Variants in TSPAN7 observed in about 807,000 individuals in gnomAD.
TSPAN7 encodes tetraspanin-7.
In TSPAN7, 1 loss-of-function variant was observed where a neutral mutation model predicts 17.6. The observed-to-expected ratio is 0.06, with a 90% CI of 0.02 to 0.27. The LOEUF is 0.27. Among genes scored for constraint, TSPAN7 ranks in the 10% least tolerant of loss-of-function variants. The pLI is 1.00. For synonymous variants in TSPAN7, 78 were observed against 79.0 expected (o/e 0.99, Z 0.07); for missense variants, 112 against 201.7 (o/e 0.56, Z 2.69).
intron 2 of TSPAN7, among the ~76,000 whole-genome samples, chrX:38,669,423 T>C (rs2069805765): frequency 1.8e-5 from 2 of 111,959 alleles, no homozygotes; most frequent in Non-Finnish European, 3.8e-5. Flanking sequence ...TATGGAAGGC[T>C]GGGATTTGAA....
chrX:38,579,773 A>G (rs2069218361), intron 1 of TSPAN7, among the ~76,000 whole-genome samples: 1 of 110,986 alleles, frequency 9.0e-6, no homozygotes, highest in Non-Finnish European at 1.9e-5. Context: ...TGTATCTACT[A>G]CTACACCTAC....
intron 1 of TSPAN7, among the ~76,000 whole-genome samples, chrX:38,630,648 C>T (rs1422435989): frequency 1.8e-5 from 2 of 112,145 alleles, no homozygotes; most frequent in Non-Finnish European, 3.8e-5. Context: ...GTCATGTTCA[C>T]GGTATACCTT....
At chrX:38,687,485 C>T (rs1024312488) in intron 6 of TSPAN7, 114 bp from the exon 7 acceptor site, 17 of 633,350 alleles carry the variant, frequency 2.7e-5, no homozygotes, top group Admixed American at 1.5e-4. Flanking sequence ...TCTAGTGATA[C>T]GCATATGTCA....
At chrX:38,593,022 T>C (rs2069300012) in intron 1 of TSPAN7, among the ~76,000 whole-genome samples, 1 of 110,907 alleles carries the variant, frequency 9.0e-6, no homozygotes, top group Non-Finnish European at 1.9e-5. Flanking sequence ...AAAGATATTT[T>C]TGCTAGTATA....
chrX:38,567,599 A>G (rs5963071), intron 1 of TSPAN7, among the ~76,000 whole-genome samples: 1,353 of 112,550 alleles, frequency 0.012, 13 homozygotes, highest in Non-Finnish European at 0.017. Flanking sequence ...GCACATCAAT[A>G]CAATTCAGTC....
chrX:38,619,589 A>AT (rs2069477893), intron 1 of TSPAN7, among the ~76,000 whole-genome samples: 1 of 111,547 alleles, frequency 9.0e-6, no homozygotes, highest in Non-Finnish European at 1.9e-5. Flanking sequence ...GGCAGGACAT[A>AT]TTGTCATTTT....
intron 3 of TSPAN7, among the ~76,000 whole-genome samples, chrX:38,672,975 G>C (rs750076251): frequency 8.9e-6 from 1 of 112,343 alleles, no homozygotes; most frequent in African/African-American, 3.2e-5. Flanking sequence ...TGCCTATTCT[G>C]TGTACAGTCC....
intron 3 of TSPAN7, among the ~76,000 whole-genome samples, chrX:38,673,218 G>A (rs1300369761): frequency 9.0e-6 from 1 of 111,574 alleles, no homozygotes; most frequent in East Asian, 2.8e-4. Context: ...CAATCTGGAG[G>A]CATTTTACCA....
chrX:38,657,329 T>C, intron 1 of TSPAN7, among the ~76,000 whole-genome samples: 1 of 112,075 alleles, frequency 8.9e-6, no homozygotes, highest in Middle Eastern at 4.6e-3. Flanking sequence ...TGATTTTCTG[T>C]GACAGGCCAA....
chrX:38,665,964 T>C (rs1361842381), intron 1 of TSPAN7, 157 bp from the exon 2 acceptor site: 13 of 494,477 alleles, frequency 2.6e-5, no homozygotes, highest in Admixed American at 1.6e-4. Flanking sequence ...ATGATGATTT[T>C]AGTTAACACT....
chrX:38,627,584 G>A (rs1003962675), intron 1 of TSPAN7, among the ~76,000 whole-genome samples: 1 of 111,897 alleles, frequency 8.9e-6, no homozygotes, highest in Non-Finnish European at 1.9e-5. Flanking sequence ...AGGCATGTGA[G>A]TAAGCCCAGT....
intron 2 of TSPAN7, among the ~76,000 whole-genome samples, chrX:38,667,484 T>C (rs2069790661): frequency 1.8e-5 from 2 of 112,278 alleles, no homozygotes; most frequent in Non-Finnish European, 3.8e-5. Context: ...TGTGTAGCCC[T>C]AGGTTGTAGT....
At chrX:38,654,861 G>T (rs1220127383) in intron 1 of TSPAN7, among the ~76,000 whole-genome samples, 1 of 112,311 alleles carries the variant, frequency 8.9e-6, no homozygotes, top group Non-Finnish European at 1.9e-5. Flanking sequence ...CCCCGTGGGG[G>T]AGTGGAATTC....
chrX:38,677,252 A>G (rs2069860287), intron 5 of TSPAN7, among the ~76,000 whole-genome samples: 1 of 112,096 alleles, frequency 8.9e-6, no homozygotes, highest in Non-Finnish European at 1.9e-5. Context: ...AATGCGGATA[A>G]TAATAGTACA....
intron 1 of TSPAN7, among the ~76,000 whole-genome samples, chrX:38,605,777 C>T (rs1216884460): frequency 9.0e-6 from 1 of 110,858 alleles, no homozygotes; most frequent in Non-Finnish European, 1.9e-5. Context: ...ACTATCTGAT[C>T]TTTGACAAAC....
intron 1 of TSPAN7, among the ~76,000 whole-genome samples, chrX:38,599,382 A>T (rs771583686): frequency 7.3e-4 from 81 of 111,671 alleles, no homozygotes; most frequent in African/African-American, 2.6e-3. Flanking sequence ...ATTTAAAAAA[A>T]AATCTTATTT....
intron 1 of TSPAN7, among the ~76,000 whole-genome samples, chrX:38,641,598 C>G (rs188387272): frequency 8.9e-6 from 1 of 111,824 alleles, no homozygotes; most frequent in African/African-American, 3.2e-5. Context: ...TCTTAATTCA[C>G]CTTCTGATCC....
At chrX:38,638,235 T>C (rs1009929318) in intron 1 of TSPAN7, among the ~76,000 whole-genome samples, 9 of 112,124 alleles carry the variant, frequency 8.0e-5, no homozygotes, top group African/African-American at 2.9e-4. Flanking sequence ...AAAATTGAAA[T>C]TGTATTGACT....
chrX:38,648,880 A>G (rs1267370794), intron 1 of TSPAN7, among the ~76,000 whole-genome samples: 2 of 105,022 alleles, frequency 1.9e-5, no homozygotes, highest in Admixed American at 2.1e-4. Flanking sequence ...AGATCACACC[A>G]TTGTACTCCA....
Sources: allele counts gnomAD v4.1 joint callset (sites outside exome capture counted in the v4.1 genomes callset), GRCh38; gene constraint gnomAD v4.1.1; transcripts MANE v1.5; gene names NCBI Gene and HGNC (gene_info 2026-07-23, HGNC 2026-07-21).